SIRT1: variants seen among roughly 807,000 people sequenced by gnomAD.
SIRT1 encodes NAD-dependent protein deacetylase sirtuin-1.
SIRT1 carries 24 observed loss-of-function variants against 67.9 expected under a neutral mutation model. The ratio of observed to expected loss-of-function variants is 0.35; its 90% CI spans 0.26 to 0.50. The LOEUF (loss-of-function observed/expected upper bound fraction) is 0.50, where lower values mean the gene tolerates loss of function less well. Ranked by LOEUF, SIRT1 falls within the 20% of genes least tolerant of loss-of-function variation. SIRT1 has a pLI of 0.98. For missense variants in SIRT1, 873 were observed against 937.2 expected (o/e 0.93, Z 0.89); for synonymous variants, 378 against 350.7 (o/e 1.08, Z -0.87).
intron 7 of SIRT1, among the ~76,000 whole-genome samples, chr10:67,912,084 C>T (rs1388534363): frequency 6.6e-6 from 1 of 152,098 alleles, no homozygotes; most frequent in Non-Finnish European, 1.5e-5. Flanking sequence ...ATATCAGGAG[C>T]TACTTAAGTA....
At chr10:67,904,354 C>G (rs967416461) in intron 4 of SIRT1, among the ~76,000 whole-genome samples, 1 of 150,104 alleles carries the variant, frequency 6.7e-6, no homozygotes, top group Admixed American at 6.6e-5. Context: ...CCAGGCTGGT[C>G]TCGTACTCCT....
chr10:67,914,859 G>A (rs967245197), intron 8 of SIRT1, among the ~76,000 whole-genome samples: 1 of 150,130 alleles, frequency 6.7e-6, no homozygotes, highest in African/African-American at 2.5e-5. Context: ...GACCACAGGC[G>A]CATGCCCTCA....
chr10:67,912,006 C>T (rs1272041181), intron 7 of SIRT1, among the ~76,000 whole-genome samples: 4 of 152,066 alleles, frequency 2.6e-5, no homozygotes, highest in Admixed American at 1.3e-4. Context: ...TCAGGTGATC[C>T]GCCTGCCTCG....
chr10:67,910,119 A>T (rs1842877432), intron 7 of SIRT1, among the ~76,000 whole-genome samples: 1 of 152,042 alleles, frequency 6.6e-6, no homozygotes, highest in South Asian at 2.1e-4. Context: ...TCGTGCCTGT[A>T]ATCTCAGCAC....
At position 67,916,802 on chromosome 10, in the gene SIRT1, TAAAA is replaced by T. The variant is rs145705395; in HGVS notation, c.*217_*220del. The T allele has an allele frequency of 2.8e-5, 8 of 283,358 alleles. No individual in the cohort carries two copies. The highest frequency in any genetic ancestry group is 1.6e-4 in the African/African-American group (7 of 43,090). 17.6% of individuals were successfully genotyped at this position (283,358 alleles called of 1,614,324 possible). A position where few individuals can be genotyped will look rare whatever the true frequency, so the allele number is the denominator to read the frequency against. Reference sequence around the variant, plus strand: ...AACTCAACACTAACTTTTTTTTTTTTAAAAAAAAAAAGGTACTAAGTATCTTCAA... The same window carrying T: ...AACTCAACACTAACTTTTTTTTTTTTAAAAAAAGGTACTAAGTATCTTCAA... On this transcript the variant is annotated 3_prime_UTR_variant, in exon 9 of 9. Transcript: ENST00000212015.
chr10:67,905,285 T>A (rs1252770430), intron 4 of SIRT1, among the ~76,000 whole-genome samples: 1 of 152,220 alleles, frequency 6.6e-6, no homozygotes, highest in Non-Finnish European at 1.5e-5. Context: ...AGTGGTTGAT[T>A]TAACTGAACT....
intron 4 of SIRT1, among the ~76,000 whole-genome samples, chr10:67,892,587 T>C (rs1008872246): frequency 6.6e-6 from 1 of 151,674 alleles, no homozygotes; most frequent in South Asian, 2.1e-4. Context: ...ATGTATGTTT[T>C]TTGAAGTTTA....
intron 8 of SIRT1, 71 bp downstream of exon 8, chr10:67,913,102 C>T (rs552134738): frequency 1.5e-5 from 22 of 1,473,950 alleles, no homozygotes; most frequent in South Asian, 8.3e-5. Flanking sequence ...TTAGCTATTT[C>T]GGCAGGTTAA....
intron 8 of SIRT1, among the ~76,000 whole-genome samples, chr10:67,914,089 T>G (rs1480320108): frequency 1.8e-4 from 12 of 68,082 alleles, no homozygotes; most frequent in East Asian, 2.6e-4. Context: ...TTTTTTTTTT[T>G]GTGACGGAGT....
chr10:67,903,460 C>T (rs12261775), intron 4 of SIRT1, among the ~76,000 whole-genome samples: 4 of 151,534 alleles, frequency 2.6e-5, no homozygotes, highest in African/African-American at 9.7e-5. Flanking sequence ...TCTAGGCTCA[C>T]TACAAGCTCC....
intron 4 of SIRT1, among the ~76,000 whole-genome samples, chr10:67,901,170 T>A (rs1314673634): frequency 6.6e-6 from 1 of 152,174 alleles, no homozygotes; most frequent in East Asian, 1.9e-4. Flanking sequence ...GGTTTTCTTT[T>A]TTTTTTGAGA....
At chr10:67,905,522 C>G (rs1283312973) in intron 4 of SIRT1, among the ~76,000 whole-genome samples, 1 of 152,110 alleles carries the variant, frequency 6.6e-6, no homozygotes, top group Non-Finnish European at 1.5e-5. Context: ...TTAAGTTTTA[C>G]TTAGAAGCCT....
At chr10:67,891,378 C>T in intron 3 of SIRT1, 24 bp from the exon 4 acceptor site, 3 of 1,608,612 alleles carry the variant, frequency 1.9e-6, no homozygotes, top group South Asian at 2.2e-5. Flanking sequence ...TTTAATTTTA[C>T]AAATTATGCC....
chr10:67,891,074 TTAAAA>T (rs1475472869), intron 3 of SIRT1, among the ~76,000 whole-genome samples: 1 of 151,984 alleles, frequency 6.6e-6, no homozygotes, highest in South Asian at 2.1e-4. Flanking sequence ...TCTTCCCTAC[TTAAAA>T]TAATTTGTTG....
intron 5 of SIRT1, among the ~76,000 whole-genome samples, chr10:67,907,828 C>G (rs767583439): frequency 3.9e-5 from 6 of 152,076 alleles, no homozygotes; most frequent in Non-Finnish European, 8.8e-5. Flanking sequence ...CATATTCATT[C>G]TATGTATAAA....
In SIRT1 at chr10:67,916,728, ATTG is replaced by A. The variant is rs1337997848; in HGVS notation, c.*138_*140del. The A allele has an allele frequency of 1.8e-6, 1 of 562,460 alleles. No homozygotes were observed. The highest frequency in any genetic ancestry group is 2.9e-6 in the Non-Finnish European group (1 of 345,896). 34.8% of individuals were successfully genotyped at this position (562,460 alleles called of 1,614,324 possible). The stretch of plus-strand genomic sequence containing the variant: ...TAATATTTATAGGTTGGTAAAATAG[ATTG>A]TTTTTCATGGATAATTTTTAACTTC... On this transcript the variant is annotated 3_prime_UTR_variant, in exon 9 of 9. Transcript: ENST00000212015.
Position 67,888,905 on chromosome 10 carries a change from C to T in SIRT1, c.571C>T (p.His191Tyr). Residue 191 changes from histidine to tyrosine, a missense_variant, in exon 3 of 9, where the codon CAT becomes TAT. Around this residue, in one of 3 missense-constraint regions of SIRT1, gnomAD observed 327 missense variants for 283.9 expected, o/e 1.15. Transcript: ENST00000212015. ...AGGTCCATATACTTTTGTTCAGCAA[C>T]ATCTTATGATTGGCACAGATCCTCG... ...RIGPYTFVQQ[H>Y]LMIGTDPRTI... 4.3e-6 allele frequency: 7 copies of T among 1,612,624 alleles called. No individual in the cohort carries two copies. The highest frequency in any genetic ancestry group is 5.9e-6 in the Non-Finnish European group (7 of 1,179,106).
intron 4 of SIRT1, chr10:67,905,991 AGAT>A (rs761173465): frequency 2.5e-6 from 1 of 405,814 alleles, no homozygotes; most frequent in Non-Finnish European, 4.0e-6. Flanking sequence ...GGAAGTAAGT[AGAT>A]GATAGCACTA....
intron 1 of SIRT1, among the ~76,000 whole-genome samples, chr10:67,885,695 G>C (rs972628802): frequency 1.3e-5 from 2 of 152,020 alleles, no homozygotes; most frequent in Non-Finnish European, 2.9e-5. Context: ...GTCACAGCTT[G>C]CAAAATTTAA....
Sources: allele counts gnomAD v4.1 joint callset (sites outside exome capture counted in the v4.1 genomes callset), GRCh38; gene constraint gnomAD v4.1.1; regional missense constraint gnomAD v4.1.1; transcripts MANE v1.5; gene names NCBI Gene and HGNC (gene_info 2026-07-23, HGNC 2026-07-21).